CSNK1E: variants seen among roughly 807,000 people sequenced by gnomAD.
CSNK1E encodes casein kinase 1 epsilon.
In CSNK1E, 17 loss-of-function variants were observed where a neutral mutation model predicts 46.1. That is an observed-to-expected ratio of 0.37 (90% CI 0.25 to 0.55). The LOEUF is 0.55. Ranked by LOEUF, CSNK1E falls within the 20% of genes least tolerant of loss-of-function variation. The pLI, the probability that CSNK1E is intolerant of heterozygous loss-of-function variation, is 0.82. For synonymous variants in CSNK1E, 241 were observed against 242.6 expected (o/e 0.99, Z 0.06); for missense variants, 386 against 595.4 (o/e 0.65, Z 3.66).
chr22:38,304,093 G>C (rs1337767113), intron 2 of CSNK1E, among the ~76,000 whole-genome samples: 2 of 152,192 alleles, frequency 1.3e-5, no homozygotes, highest in East Asian at 1.9e-4. Flanking sequence ...CTGTATGGGT[G>C]GATGAGATGA....
intron 2 of CSNK1E, among the ~76,000 whole-genome samples, chr22:38,308,534 C>A (rs889602029): frequency 6.6e-6 from 1 of 152,122 alleles, no homozygotes. Flanking sequence ...CCCCTCTGAG[C>A]CCCAGGTACC....
At chr22:38,307,693 G>A (rs1341029166) in intron 2 of CSNK1E, among the ~76,000 whole-genome samples, 1 of 152,180 alleles carries the variant, frequency 6.6e-6, no homozygotes, top group African/African-American at 2.4e-5. Context: ...AAGGTGGAGG[G>A]CTGTATTTTC....
At chr22:38,302,532 A>C (rs576266204) in intron 4 of CSNK1E, among the ~76,000 whole-genome samples, 1 of 152,174 alleles carries the variant, frequency 6.6e-6, no homozygotes, top group Admixed American at 6.5e-5. Context: ...ATCACTTGGT[A>C]AAACTCTGTC....
rs534849036 is a variant in CSNK1E at position 38,294,141 on chromosome 22, G to A, written c.1186C>T (p.Arg396Trp). The A allele has an allele frequency of 5.0e-6, 8 of 1,611,102 alleles. No individual in the cohort carries two copies. Among genetic ancestry groups the A allele is most frequent in the South Asian group, 4.4e-5 (4 of 90,816 alleles). ...GCTGGGATCCGGGAGACCTCTTGCCGCCCAGTGAGGTCTGAGGAGGAGACG... is the reference window on the plus strand; with the variant it reads ...GCTGGGATCCGGGAGACCTCTTGCCACCCAGTGAGGTCTGAGGAGGAGACG... ...ANVSSSDLTG[R>W]QEVSRIPASQ... The change falls in exon 9 of 11, where the codon CGG becomes TGG. Residue 396 changes from arginine to tryptophan, a missense_variant. Arg to Trp is a moderately radical substitution (Grantham distance 101). Transcript: ENST00000396832. This position sits in a 1 kb window ranked among gnomAD's most constrained non-coding sequence, Gnocchi z 5.5.
At chr22:38,302,758 C>T (rs549465813) in intron 4 of CSNK1E, 103 bp downstream of exon 4, 269 of 1,367,628 alleles carry the variant, frequency 2.0e-4, no homozygotes, top group African/African-American at 1.3e-3. Flanking sequence ...GACAAGGTCC[C>T]CTGGCCCAGG....
Position 38,298,749 on chromosome 22 carries a change from A to G in CSNK1E, c.885+37T>C, listed in dbSNP as rs561919859. ...CTCTGAGTCAGGGCCTTCCCCATCC[A>G]GTCCCCCAAGCCCGCCTTGGCCTCC... On this transcript the variant is annotated intron_variant, in intron 7 of 10. Transcript: ENST00000396832. This position sits in a 1 kb window ranked among gnomAD's most constrained non-coding sequence, Gnocchi z 4.2. 4.3e-6 allele frequency: 7 copies of G among 1,612,336 alleles called. No individual in the cohort carries two copies. Among genetic ancestry groups the G allele is most frequent in the South Asian group, 1.1e-5 (1 of 91,002 alleles).
At chr22:38,316,565 C>T (rs907714000) in intron 1 of CSNK1E, 4 of 152,260 alleles carry the variant, frequency 2.6e-5, no homozygotes, top group Non-Finnish European at 5.9e-5. Context: ...ATCTCTCACA[C>T]AAAAATGGGA....
intron 10 of CSNK1E, chr22:38,292,750 CG>C (rs992615743): frequency 6.3e-6 from 1 of 159,714 alleles, no homozygotes; most frequent in Admixed American, 6.0e-5. Context: ...TGGTACAGTC[CG>C]GGAAGAACCA....
At chr22:38,304,831 A>G (rs1183087481) in intron 2 of CSNK1E, among the ~76,000 whole-genome samples, 1 of 152,208 alleles carries the variant, frequency 6.6e-6, no homozygotes, top group African/African-American at 2.4e-5. Flanking sequence ...CCTTGAAAAC[A>G]TTCTACCCGA....
rs1396533045 is a variant in CSNK1E at position 38,291,879 on chromosome 22, G to C, written c.*92C>G. On this transcript the variant is annotated 3_prime_UTR_variant, in exon 11 of 11. Coordinates refer to ENST00000396832, the MANE Select transcript of CSNK1E (RefSeq NM_152221.3). Reference sequence around the variant, plus strand: ...CTGGGTTTTTTTGTTGTTCTTTTGAGTGGTTTATTTTTGCCTTTTTTTTTT... The same window carrying C: ...CTGGGTTTTTTTGTTGTTCTTTTGACTGGTTTATTTTTGCCTTTTTTTTTT... 1 of 141,594 alleles carries C rather than the reference G, an allele frequency of 7.1e-6. No homozygotes were observed. Among genetic ancestry groups the C allele is most frequent in the Non-Finnish European group, 1.5e-5 (1 of 65,414 alleles). 8.8% of individuals were successfully genotyped at this position (141,594 alleles called of 1,614,324 possible). A position where few individuals can be genotyped will look rare whatever the true frequency, so the allele number is the denominator to read the frequency against.
In CSNK1E at chr22:38,294,602, G is replaced by A. The variant is rs2092630268; in HGVS notation, c.886-68C>T. 2 of 1,443,436 alleles carry A rather than the reference G, an allele frequency of 1.4e-6. No individual in the cohort carries two copies. The highest frequency in any genetic ancestry group is 5.2e-5 in the Admixed American group (2 of 38,302). 89.4% of individuals were successfully genotyped at this position (1,443,436 alleles called of 1,614,324 possible). ...AGGGTGCTCTGGGCCCAGCAGCCCT[G>A]CAGGGCACAGAAGGGGAGGGAGGCC... On this transcript the variant is annotated intron_variant, in intron 7 of 10. Transcript: ENST00000396832. The surrounding 1 kb of genome is among the most constrained non-coding windows in gnomAD (Gnocchi z 5.5).
chr22:38,296,440 G>A (rs2092641083), intron 7 of CSNK1E: 2 of 1,479,222 alleles, frequency 1.4e-6, no homozygotes, highest in Admixed American at 4.8e-5. Context: ...CCTGTCTACT[G>A]TTGGGTAGCA....
In CSNK1E at chr22:38,294,061, T is replaced by C; in HGVS notation, c.1218+48A>G. ...CGGCCTGACCTCCCACTGGGGGGTC[T>C]CTAACTCAGTTCTGAGGCCCAGAGG... On this transcript the variant is annotated intron_variant, in intron 9 of 10. Transcript: ENST00000396832. This position sits in a 1 kb window ranked among gnomAD's most constrained non-coding sequence, Gnocchi z 5.5. 6.3e-7 allele frequency: 1 copy of C among 1,588,488 alleles called. No homozygotes were observed. Among genetic ancestry groups the C allele is most frequent in the Non-Finnish European group, 8.5e-7 (1 of 1,170,594 alleles).
rs201363944 is a variant in CSNK1E at position 38,314,168 on chromosome 22, T to A, written c.-11A>T. 1,719 of 1,613,656 alleles carry A rather than the reference T, an allele frequency of 1.1e-3. 6 individuals are homozygous for A. Among genetic ancestry groups the A allele is most frequent in the Non-Finnish European group, 1.3e-3 (1,576 of 1,179,700 alleles). On this transcript the variant is annotated splice_region_variant and 5_prime_UTR_variant, in exon 2 of 11. Coordinates refer to ENST00000396832, the MANE Select transcript of CSNK1E (RefSeq NM_152221.3). ...CACACGTAGCTCCATGGCTCACTCTTGCTGCAGAGGAAGCAGGAACATGAG... is the reference window on the plus strand; with the variant it reads ...CACACGTAGCTCCATGGCTCACTCTAGCTGCAGAGGAAGCAGGAACATGAG...
intron 1 of CSNK1E, among the ~76,000 whole-genome samples, chr22:38,314,486 C>T (rs1056135705): frequency 2.6e-5 from 4 of 152,154 alleles, no homozygotes; most frequent in Non-Finnish European, 5.9e-5. Flanking sequence ...CACCTCCTAC[C>T]CCCCAGGCTC....
chr22:38,303,971 G>A lies in CSNK1E; in HGVS notation c.77-723C>T, dbSNP rs970719874. The stretch of plus-strand genomic sequence containing the variant: ...CTCCTGGCTTCTCAAGGGGCTCTAA[G>A]AAAATACCCTCACACACACCAAGGC... On this transcript the variant is annotated intron_variant, in intron 2 of 10. Transcript: ENST00000396832. The surrounding 1 kb of genome is among the most constrained non-coding windows in gnomAD (Gnocchi z 4.7). Among the ~76,000 whole-genome samples, 1 of 152,156 alleles carries A rather than the reference G, an allele frequency of 6.6e-6. No individual in the cohort carries two copies. Among genetic ancestry groups the A allele is most frequent in the African/African-American group, 2.4e-5 (1 of 41,426 alleles).
chr22:38,301,058 C>G lies in CSNK1E; in HGVS notation c.337-106G>C, dbSNP rs2092669461. On this transcript the variant is annotated intron_variant, in intron 4 of 10. Coordinates refer to ENST00000396832, the MANE Select transcript of CSNK1E (RefSeq NM_152221.3). ...GGTGGAAAGGCAGAGGGAGAAAGGC[C>G]TGCCTTCGACCATGAAGGATAACTA... is the stretch of plus-strand genomic sequence containing the variant. The G allele has an allele frequency of 2.8e-5, 25 of 899,026 alleles. No individual in the cohort carries two copies. The South Asian group carries it at 3.8e-4, about 14-fold the overall frequency. The allele number at this position is 899,026 out of a possible 1,614,324, so 55.7% of individuals were successfully genotyped here.
At chr22:38,293,386 C>T (rs904717263) in intron 9 of CSNK1E, 67 bp from the exon 10 acceptor site, 9 of 1,001,592 alleles carry the variant, frequency 9.0e-6, no homozygotes, top group Non-Finnish European at 1.4e-5. Context: ...AAGTCAAGTC[C>T]CTTAGCCGCT....
At chr22:38,307,833 C>T (rs1026884745) in intron 2 of CSNK1E, among the ~76,000 whole-genome samples, 4 of 152,188 alleles carry the variant, frequency 2.6e-5, no homozygotes, top group African/African-American at 9.7e-5. Context: ...AGTAGCTGGA[C>T]TACAGGCGCA....
Sources: gnomAD v4.1 joint callset for allele counts (sites outside exome capture counted in the v4.1 genomes callset) on GRCh38, gnomAD v4.1.1 for gene constraint, Gnocchi (gnomAD v3.1) non-coding constraint, MANE v1.5 for transcripts, NCBI Gene and HGNC (gene_info 2026-07-23, HGNC 2026-07-21) for gene names.